Variants in IGFL1 observed in about 807,000 individuals in gnomAD.
IGFL1 encodes IGF like family member 1.
IGFL1 carries 16 observed loss-of-function variants against 16.0 expected under a neutral mutation model. The observed-to-expected ratio is 1.00, with a 90% CI of 0.68 to 1.52. The LOEUF (loss-of-function observed/expected upper bound fraction) is 1.52. IGFL1 is among the 40% of genes most tolerant of loss of function. IGFL1 has a pLI of 0.00. For synonymous variants in IGFL1, 59 were observed against 54.0 expected (o/e 1.09, Z -0.41); for missense variants, 149 against 141.7 (o/e 1.05, Z -0.26).
chr19:46,231,034 A>T lies in IGFL1; in HGVS notation c.*204A>T. The T allele has an allele frequency of 1.6e-6, 1 of 644,294 alleles. No homozygotes were observed. Among genetic ancestry groups the T allele is most frequent in the Non-Finnish European group, 2.8e-6 (1 of 356,020 alleles). 39.9% of individuals were successfully genotyped at this position (644,294 alleles called of 1,614,324 possible). A position where few individuals can be genotyped will look rare whatever the true frequency, so the allele number is the denominator to read the frequency against. ...GGAGGCCCACAGGTCCCCTTCTAGA[A>T]TTCTGGACAGCATGAGATGCGTGTG... On this transcript the variant is annotated 3_prime_UTR_variant, in exon 4 of 4. Coordinates refer to ENST00000437936, the MANE Select transcript of IGFL1 (RefSeq NM_198541.2).
Position 46,231,099 on chromosome 19 carries a change from C to T in IGFL1, c.*269C>T, listed in dbSNP as rs1601126235. 7 of 564,392 alleles carry T rather than the reference C, an allele frequency of 1.2e-5. No individual in the cohort carries two copies. The Admixed American group carries it at 1.5e-4, about 12-fold the overall frequency. The allele number at this position is 564,392 out of a possible 1,614,324, so 35.0% of individuals were successfully genotyped here. A position where few individuals can be genotyped will look rare whatever the true frequency, so the allele number is the denominator to read the frequency against. ...GGGACTCTGAACCCTCCTGATGACC[C>T]CTATGGCCAACATCAACCCGGCACC... On this transcript the variant is annotated 3_prime_UTR_variant, in exon 4 of 4. Coordinates refer to ENST00000437936, the MANE Select transcript of IGFL1 (RefSeq NM_198541.2).
In IGFL1 at chr19:46,230,501, G is replaced by A. The variant is rs200224991; in HGVS notation, c.307G>A (p.Asp103Asn). 541 of 1,613,880 alleles carry A rather than the reference G, an allele frequency of 3.4e-4. 1 individual carries two copies. Among genetic ancestry groups the A allele is most frequent in the Middle Eastern group, 1.5e-3 (9 of 6,062 alleles). The change falls in exon 3 of 4, where the codon GAC (aspartate) becomes AAC (asparagine). Residue 103 changes from aspartate to asparagine, a missense_variant. Transcript: ENST00000437936. ...CTGCGACTCAGCCCGGACCTCGGAT[G>A]ACAGGCTTTGTCGCAGGTGAGTCCT... is the stretch of plus-strand genomic sequence containing the variant. ...QNCDSARTSD[D>N]RLCRSVS
At chr19:46,229,877 A>G in intron 1 of IGFL1, 78 bp downstream of exon 1, 1 of 1,480,556 alleles carries the variant, frequency 6.8e-7, no homozygotes, top group Non-Finnish European at 9.3e-7. Flanking sequence ...CCCTACCCCA[A>G]ACTACACCTC....
At chr19:46,229,927 T>G in intron 1 of IGFL1, 128 bp downstream of exon 1, 1 of 1,270,260 alleles carries the variant, frequency 7.9e-7, no homozygotes, top group Non-Finnish European at 1.1e-6. Flanking sequence ...CAGGCGTGAA[T>G]TGCTCACAGC....
rs951297838 is a variant in IGFL1, at chr19:46,231,102, A to G, written c.*272A>G. The G allele has an allele frequency of 3.6e-6, 2 of 557,248 alleles. No homozygotes were observed. The highest frequency in any genetic ancestry group is 6.0e-5 in the East Asian group (2 of 33,606). 34.5% of individuals were successfully genotyped at this position (557,248 alleles called of 1,614,324 possible). On this transcript the variant is annotated 3_prime_UTR_variant, in exon 4 of 4. Transcript: ENST00000437936. The stretch of plus-strand genomic sequence containing the variant: ...ACTCTGAACCCTCCTGATGACCCCT[A>G]TGGCCAACATCAACCCGGCACCACC...
At position 46,230,513 on chromosome 19, in the gene IGFL1, C is replaced by A; in HGVS notation, c.319C>A (p.Arg107Ser). ...SARTSDDRLC[R>S]SVS Reference sequence around the variant, plus strand: ...CCGGACCTCGGATGACAGGCTTTGTCGCAGGTGAGTCCTGTCCCCTCCGTG... The same window carrying A: ...CCGGACCTCGGATGACAGGCTTTGTAGCAGGTGAGTCCTGTCCCCTCCGTG... The change falls in exon 3 of 4, where the codon CGC (arginine) becomes AGC (serine). Residue 107 changes from arginine to serine, a missense_variant. Arg to Ser is a moderately radical substitution (Grantham distance 110, BLOSUM62 -1). Transcript: ENST00000437936. 6.2e-7 allele frequency: 1 copy of A among 1,613,758 alleles called. No homozygotes were observed. Among genetic ancestry groups the A allele is most frequent in the Non-Finnish European group, 8.5e-7 (1 of 1,179,874 alleles).
chr19:46,229,871 A>C, intron 1 of IGFL1, 72 bp downstream of exon 1: 1 of 1,499,012 alleles, frequency 6.7e-7, no homozygotes, highest in East Asian at 2.4e-5. Flanking sequence ...CTCTCTCCCT[A>C]CCCCAAACTA....
chr19:46,229,968 C>T, intron 1 of IGFL1, 140 bp from the exon 2 acceptor site: 1 of 1,217,588 alleles, frequency 8.2e-7, no homozygotes, highest in South Asian at 1.3e-5. Flanking sequence ...CAGATCAGCC[C>T]CATCCACAGC....
Position 46,230,453 on chromosome 19 carries a change from A to G in IGFL1, c.259A>G (p.Met87Val), listed in dbSNP as rs1322442149. ...CFEQCCPWTF[M>V]VKLINQNCDS... ...TGAGCAGTGCTGCCCCTGGACCTTC[A>G]TGGTGAAGCTGATAAACCAGAACTG... The change falls in exon 3 of 4, where the codon ATG becomes GTG. Residue 87 changes from methionine (M) to valine (V), a missense_variant. Met to Val is a conservative substitution (Grantham distance 21). Transcript: ENST00000437936. 1 of 1,613,992 alleles carries G rather than the reference A, an allele frequency of 6.2e-7. No individual in the cohort carries two copies. The highest frequency in any genetic ancestry group is 8.5e-7 in the Non-Finnish European group (1 of 1,179,880).
intron 1 of IGFL1, 133 bp downstream of exon 1, chr19:46,229,932 C>A: frequency 8.1e-7 from 1 of 1,229,426 alleles, no homozygotes; most frequent in South Asian, 1.3e-5. Context: ...GTGAATTGCT[C>A]ACAGCAATTC....
intron 1 of IGFL1, 91 bp from the exon 2 acceptor site, chr19:46,230,017 C>A: frequency 6.8e-7 from 1 of 1,481,254 alleles, no homozygotes; most frequent in Non-Finnish European, 9.4e-7. Context: ...CCATACCGAG[C>A]CCTGGTTCCA....
intron 3 of IGFL1, 128 bp from the exon 4 acceptor site, chr19:46,230,693 C>T: frequency 2.2e-6 from 3 of 1,367,114 alleles, no homozygotes; most frequent in Non-Finnish European, 3.1e-6. Context: ...CTCTCAGAAT[C>T]TCACTCTCTC....
intron 1 of IGFL1, 28 bp from the exon 2 acceptor site, chr19:46,230,080 C>T (rs1174654100): frequency 6.2e-7 from 1 of 1,611,020 alleles, no homozygotes; most frequent in East Asian, 2.2e-5. Flanking sequence ...TGTCCACTCA[C>T]CCCATCTTCC....
At position 46,230,908 on chromosome 19, in the gene IGFL1, A is replaced by T; in HGVS notation, c.*78A>T. On this transcript the variant is annotated 3_prime_UTR_variant, in exon 4 of 4. Transcript: ENST00000437936. ...GAGAAAGAGGCTGGTGTTACCTGAG[A>T]TCTGGGATGCTGAGTGGCTGTTTGG... 1 of 1,416,914 alleles carries T rather than the reference A, an allele frequency of 7.1e-7. No homozygotes were observed. The highest frequency in any genetic ancestry group is 2.4e-5 in the East Asian group (1 of 42,214). 87.8% of individuals were successfully genotyped at this position (1,416,914 alleles called of 1,614,324 possible). A position where few individuals can be genotyped will look rare whatever the true frequency, so the allele number is the denominator to read the frequency against.
rs574107604 is a variant in IGFL1, at chr19:46,231,192, A to G, written c.*362A>G. 9.3e-5 allele frequency: 35 copies of G among 377,264 alleles called. No homozygotes were observed. The highest frequency in any genetic ancestry group is 6.5e-4 in the African/African-American group (32 of 49,582). 23.4% of individuals were successfully genotyped at this position (377,264 alleles called of 1,614,324 possible). A position where few individuals can be genotyped will look rare whatever the true frequency, so the allele number is the denominator to read the frequency against. ...TTTCCATCATCTCAAGTTCTCTTCT[A>G]TCCAGGAGCAAAGCACAGGATCATA... On this transcript the variant is annotated 3_prime_UTR_variant, in exon 4 of 4. Coordinates refer to ENST00000437936, the MANE Select transcript of IGFL1 (RefSeq NM_198541.2).
In IGFL1 at chr19:46,231,031, A is replaced by G. The variant is rs1057389373; in HGVS notation, c.*201A>G. On this transcript the variant is annotated 3_prime_UTR_variant, in exon 4 of 4. Transcript: ENST00000437936. The stretch of plus-strand genomic sequence containing the variant: ...TGAGGAGGCCCACAGGTCCCCTTCT[A>G]GAATTCTGGACAGCATGAGATGCGT... The G allele has an allele frequency of 7.7e-6, 5 of 649,662 alleles. No homozygotes were observed. The highest frequency in any genetic ancestry group is 3.6e-5 in the African/African-American group (2 of 55,996). 40.2% of individuals were successfully genotyped at this position (649,662 alleles called of 1,614,324 possible). A position where few individuals can be genotyped will look rare whatever the true frequency, so the allele number is the denominator to read the frequency against.
In IGFL1 at chr19:46,230,339, G is replaced by A. The variant is rs769434804; in HGVS notation, c.145G>A (p.Asp49Asn). The A allele has an allele frequency of 2.5e-5, 40 of 1,613,854 alleles. No homozygotes were observed. The highest frequency in any genetic ancestry group is 3.3e-5 in the Non-Finnish European group (39 of 1,179,896). The change falls in exon 3 of 4, where the codon GAC (aspartate) becomes AAC (asparagine). Residue 49 changes from aspartate (D) to asparagine (N), a missense_variant. Transcript: ENST00000437936. ...CAAGAGATGTGGGGACAAGTTCTAC[G>A]ACCCCCTGCAGCACTGTTGCTATGA... ...PHKRCGDKFY[D>N]PLQHCCYDDA... is the part of the protein sequence containing the mutation.
rs982692901 is a variant in IGFL1 at position 46,231,114 on chromosome 19, A to G, written c.*284A>G. 1 of 541,850 alleles carries G rather than the reference A, an allele frequency of 1.8e-6. No individual in the cohort carries two copies. Among genetic ancestry groups the G allele is most frequent in the Non-Finnish European group, 3.3e-6 (1 of 300,768 alleles). 33.6% of individuals were successfully genotyped at this position (541,850 alleles called of 1,614,324 possible). A position where few individuals can be genotyped will look rare whatever the true frequency, so the allele number is the denominator to read the frequency against. ...CCTGATGACCCCTATGGCCAACATC[A>G]ACCCGGCACCACCCCAAGGCTGGCT... On this transcript the variant is annotated 3_prime_UTR_variant, in exon 4 of 4. Coordinates refer to ENST00000437936, the MANE Select transcript of IGFL1 (RefSeq NM_198541.2).
rs373669939 is a variant in IGFL1 at position 46,229,816 on chromosome 19, C to T, written c.25+17C>T. 1.1e-3 allele frequency: 1,791 copies of T among 1,603,790 alleles called. 18 individuals carry two copies. The South Asian group carries it at 0.011, about 10-fold the overall frequency. On this transcript the variant is annotated intron_variant, in intron 1 of 3. Coordinates refer to ENST00000437936, the MANE Select transcript of IGFL1 (RefSeq NM_198541.2). ...GCATCGTAGGTAAGGAGGACAGGACCCCATTCCCACCTGAGCCCATCTCCA... is the reference window on the plus strand; with the variant it reads ...GCATCGTAGGTAAGGAGGACAGGACTCCATTCCCACCTGAGCCCATCTCCA...
Sources: allele counts gnomAD v4.1 joint callset, GRCh38; gene constraint gnomAD v4.1.1; transcripts MANE v1.5; gene names NCBI Gene and HGNC (gene_info 2026-07-23, HGNC 2026-07-21).